The following ZP3 variants were observed in gnomAD, a reference collection of about 807,000 sequenced individuals.
The protein encoded by ZP3 is zona pellucida sperm-binding protein 3.
Under a neutral mutation model 35.6 loss-of-function variants are expected in ZP3, and 21 were observed. The ratio of observed to expected loss-of-function variants is 0.59; its 90% confidence interval spans 0.42 to 0.85. The LOEUF is 0.85. ZP3 is among the 40% of genes least tolerant of loss of function. The pLI, the probability that ZP3 is intolerant of heterozygous loss-of-function variation, is 0.00. For missense variants in ZP3, 437 were observed against 536.5 expected (o/e 0.81, Z 1.83); for synonymous variants, 207 against 214.5 (o/e 0.96, Z 0.31).
chr7:76,437,171 CTT>C (rs869115807), intron 5 of ZP3, among the ~76,000 whole-genome samples: 1,260 of 78,202 alleles, frequency 0.016, 1 homozygote, highest in African/African-American at 0.027. Flanking sequence ...ACCCTGTGTA[CTT>C]TTTTTTTTTT....
At chr7:76,406,771 C>T (rs1367747786) in intron 1 of ZP3, among the ~76,000 whole-genome samples, 1 of 150,786 alleles carries the variant, frequency 6.6e-6, no homozygotes, top group Admixed American at 6.6e-5. Flanking sequence ...TTTAATACCC[C>T]AATCCTAAAT....
intron 2 of ZP3, among the ~76,000 whole-genome samples, chr7:76,431,907 A>C (rs997961388): frequency 8.6e-5 from 13 of 152,006 alleles, no homozygotes; most frequent in African/African-American, 3.1e-4. Context: ...TCAAAAAAAA[A>C]AAAAAAAGAT....
chr7:76,400,347 G>C, intron 1 of ZP3: 2 of 1,534,704 alleles, frequency 1.3e-6, no homozygotes, highest in South Asian at 2.4e-5. Context: ...AGCCGCGGCT[G>C]CCGCACTCGC....
chr7:76,435,483 G>A (rs554754386), intron 5 of ZP3, among the ~76,000 whole-genome samples: 6 of 152,392 alleles, frequency 3.9e-5, no homozygotes, highest in African/African-American at 1.4e-4. Flanking sequence ...AGCTCACTGA[G>A]ATGAGAGGTG....
At chr7:76,425,365 G>A in intron 1 of ZP3, 89 bp downstream of exon 1, 6 of 1,398,298 alleles carry the variant, frequency 4.3e-6, no homozygotes, top group Non-Finnish European at 5.8e-6. Context: ...TGGGAGGTGG[G>A]GTTGGGTGGA....
Position 76,425,031 on chromosome 7 carries a change from C to G in ZP3, c.67C>G (p.Gln23Glu). The change falls in exon 1 of 8, where the codon CAA (glutamine) becomes GAA (glutamate). Residue 23 changes from glutamine to glutamate, a missense_variant. Around this residue, in one of 6 missense-constraint regions of ZP3, gnomAD observed 352 missense variants for 308.4 expected, o/e 1.14. Coordinates refer to ENST00000394857, the MANE Select transcript of ZP3 (RefSeq NM_001110354.2). ...GGGTAGTACTGAGCTGTGCTACCCCCAACCCCTCTGGCTCTTGCAGGGTGG... is the reference window on the plus strand; with the variant it reads ...GGGTAGTACTGAGCTGTGCTACCCCGAACCCCTCTGGCTCTTGCAGGGTGG... ...LWGSTELCYP[Q>E]PLWLLQGGAS... is the part of the protein sequence containing the mutation. 1 of 1,596,820 alleles carries G rather than the reference C, an allele frequency of 6.3e-7. No individual in the cohort carries two copies. Among genetic ancestry groups the G allele is most frequent in the Non-Finnish European group, 8.5e-7 (1 of 1,172,210 alleles).
chr7:76,440,393 C>T (rs774191260), intron 6 of ZP3, 52 bp downstream of exon 6: 2 of 1,611,870 alleles, frequency 1.2e-6, no homozygotes, highest in Non-Finnish European at 1.7e-6. Flanking sequence ...TCGGCGACCC[C>T]TTGTCTATTT....
intron 1 of ZP3, among the ~76,000 whole-genome samples, chr7:76,428,146 C>G (rs1412853549): frequency 7.0e-6 from 1 of 142,422 alleles, no homozygotes; most frequent in African/African-American, 2.8e-5. Context: ...GCTAACATGG[C>G]GAAACCCTGT....
At chr7:76,412,959 CTTCTTCTTT>C (rs1805284843) in intron 1 of ZP3, among the ~76,000 whole-genome samples, 1 of 90,364 alleles carries the variant, frequency 1.1e-5, no homozygotes, top group Non-Finnish European at 2.2e-5. Context: ...TCTTCTTCTT[CTTCTTCTTT>C]TTTTTTTTTT....
intron 1 of ZP3, among the ~76,000 whole-genome samples, chr7:76,412,187 CAA>C (rs200042424): frequency 2.4e-4 from 19 of 79,520 alleles, no homozygotes; most frequent in Admixed American, 6.7e-4. Context: ...GACTCTGTCT[CAA>C]AAAAAAAAAA....
At chr7:76,400,679 A>T (rs965253402) in intron 1 of ZP3, 65 of 1,332,882 alleles carry the variant, frequency 4.9e-5, no homozygotes, top group Middle Eastern at 2.7e-4. Context: ...TTTTATTATT[A>T]TTTTTTTTGG....
intron 1 of ZP3, among the ~76,000 whole-genome samples, chr7:76,407,499 T>C (rs1477399166): frequency 2.0e-5 from 3 of 151,330 alleles, no homozygotes; most frequent in South Asian, 2.1e-4. Context: ...GCCCAGCTAA[T>C]TGAGGGAGTA....
At chr7:76,426,103 A>C (rs1805642941) in intron 1 of ZP3, among the ~76,000 whole-genome samples, 3 of 149,224 alleles carry the variant, frequency 2.0e-5, no homozygotes, top group Admixed American at 6.7e-5. Flanking sequence ...AAAAAATTCC[A>C]CATAGATAAG....
chr7:76,431,067 G>A (rs1805812482), intron 2 of ZP3, among the ~76,000 whole-genome samples: 1 of 152,204 alleles, frequency 6.6e-6, no homozygotes, highest in Non-Finnish European at 1.5e-5. Context: ...GGGTCACCTG[G>A]TGGCTGGTGC....
At chr7:76,428,143 T>C (rs1170357913) in intron 1 of ZP3, among the ~76,000 whole-genome samples, 1 of 144,502 alleles carries the variant, frequency 6.9e-6, no homozygotes, top group Non-Finnish European at 1.5e-5. Flanking sequence ...CTGGCTAACA[T>C]GGCGAAACCC....
rs1429828940 is a variant in ZP3 at position 76,434,190 on chromosome 7, T to G, written c.831+35T>G. ...TTAACAGCCTGAAAGAAGGCTGAAC[T>G]TGCAACCTTCATATCCTACTGAATG... is the stretch of plus-strand genomic sequence containing the variant. On this transcript the variant is annotated intron_variant, in intron 5 of 7. Transcript: ENST00000394857. 5 of 922,116 alleles carry G rather than the reference T, an allele frequency of 5.4e-6. No individual in the cohort carries two copies. In the East Asian group the frequency reaches 1.4e-4, roughly 25 times the overall value. The allele number at this position is 922,116 out of a possible 1,614,324, so 57.1% of individuals were successfully genotyped here.
In ZP3 at chr7:76,429,641, T is replaced by A. The variant is rs1471859186; in HGVS notation, c.431+8T>A. The A allele has an allele frequency of 6.2e-7, 1 of 1,611,012 alleles. No homozygotes were observed. Among genetic ancestry groups the A allele is most frequent in the Non-Finnish European group, 8.5e-7 (1 of 1,177,416 alleles). ...CGAGTGCCGCTACCCCAGGTCGGTGTGGGACTGACTCATGGCCCCTGGTGC... is the reference window on the plus strand; with the variant it reads ...CGAGTGCCGCTACCCCAGGTCGGTGAGGGACTGACTCATGGCCCCTGGTGC... On this transcript the variant is annotated splice_region_variant and intron_variant, in intron 2 of 7. Coordinates refer to ENST00000394857, the MANE Select transcript of ZP3 (RefSeq NM_001110354.2).
intron 1 of ZP3, chr7:76,400,253 G>C (rs769013776): frequency 4.6e-5 from 66 of 1,435,088 alleles, no homozygotes; most frequent in Admixed American, 7.9e-5. Context: ...GCCACAGTCT[G>C]TCTGTCCCTC....
chr7:76,410,040 T>C (rs1805199533), intron 1 of ZP3, among the ~76,000 whole-genome samples: 1 of 151,838 alleles, frequency 6.6e-6, no homozygotes, highest in Non-Finnish European at 1.5e-5. Context: ...TTCTTTTTTC[T>C]TTTTTTTCAG....
Sources: gnomAD v4.1 joint callset for allele counts (sites outside exome capture counted in the v4.1 genomes callset) on GRCh38, gnomAD v4.1.1 for gene constraint, gnomAD v4.1.1 regional missense constraint, MANE v1.5 for transcripts, NCBI Gene and HGNC (gene_info 2026-07-23, HGNC 2026-07-21) for gene names.